Variants in AMZ2 observed in about 807,000 individuals in gnomAD.
AMZ2 encodes archaemetzincin-2.
In AMZ2, 26 loss-of-function variants were observed where a neutral mutation model predicts 36.7. That is an observed-to-expected ratio of 0.71 (90% confidence interval 0.52 to 0.98). The LOEUF is 0.98. AMZ2 is among the 50% of genes least tolerant of loss of function. The pLI is 0.00. For missense variants in AMZ2, 394 were observed against 430.5 expected, an observed-to-expected ratio of 0.92 and a Z score of 0.75; for synonymous variants, 144 against 149.1, an observed-to-expected ratio of 0.97 and a Z score of 0.25.
upstream of AMZ2, among the ~76,000 whole-genome samples, chr17:68,244,932 G>GT (rs782730654): frequency 6.6e-6 from 1 of 152,122 alleles, no homozygotes; most frequent in Non-Finnish European, 1.5e-5. Context: ...ATGTCATGGT[G>GT]TTTATCTTTT....
At position 68,213,747 on chromosome 17, in the gene AMZ2, T is replaced by C. The variant is rs542800315; in HGVS notation, c.-67+7509T>C. ...GTATTTATCTTGAGCTATGATTTTATTGAACGTTGGACTTCCTATTTTGGT... is the reference window on the plus strand; with the variant it reads ...GTATTTATCTTGAGCTATGATTTTACTGAACGTTGGACTTCCTATTTTGGT... On this transcript the variant is annotated intron_variant, in intron 1 of 7. Transcript: ENST00000674770. Among the ~76,000 whole-genome samples the C allele has an allele frequency of 3.9e-5, 6 of 152,232 alleles. No individual in the cohort carries two copies. In the South Asian group the frequency reaches 1.2e-3, roughly 32 times the overall value.
At chr17:68,209,623 TATATATATA>T (rs2072968059) in intron 1 of AMZ2, among the ~76,000 whole-genome samples, 3 of 109,952 alleles carry the variant, frequency 2.7e-5, no homozygotes, top group African/African-American at 7.7e-5. Flanking sequence ...TATATATATA[TATATATATA>T]TTTTTTTTTT....
intron 1 of AMZ2, among the ~76,000 whole-genome samples, chr17:68,209,393 T>C (rs1467441323): frequency 1.3e-5 from 2 of 151,400 alleles, no homozygotes; most frequent in African/African-American, 2.4e-5. Context: ...GGGGTTTCAC[T>C]ATGTTGGCCA....
chr17:68,246,553 G>C (rs193030382), upstream of AMZ2: 1 of 152,172 alleles, frequency 6.6e-6, no homozygotes, highest in Non-Finnish European at 1.5e-5. Flanking sequence ...ATGGAAGAAA[G>C]CCCACGACTT....
At chr17:68,214,649 C>G (rs1555726831) in intron 1 of AMZ2, among the ~76,000 whole-genome samples, 5 of 152,134 alleles carry the variant, frequency 3.3e-5, no homozygotes, top group African/African-American at 9.7e-5. Context: ...GGATTGTGTT[C>G]TCAACTTCAC....
rs2074136865 is a variant in AMZ2, at chr17:68,248,123, C to T, written c.-583C>T. On this transcript the variant is annotated 5_prime_UTR_variant, in exon 1 of 7. Coordinates refer to ENST00000359904, the MANE Select transcript of AMZ2 (RefSeq NM_016627.5). Reference sequence around the variant, plus strand: ...CGAGGCCTGTCGGGTCAGGGCGGTTCGCGGGTGCTGTCAGAGCTGGGCCGG... The same window carrying T: ...CGAGGCCTGTCGGGTCAGGGCGGTTTGCGGGTGCTGTCAGAGCTGGGCCGG... The T allele has an allele frequency of 4.1e-6, 4 of 986,480 alleles. No homozygotes were observed. The highest frequency in any genetic ancestry group is 4.8e-6 in the Non-Finnish European group (4 of 830,714). The allele number at this position is 986,480 out of a possible 1,614,324, so 61.1% of individuals were successfully genotyped here.
chr17:68,241,635 C>CT (rs1373265572), intron 1 of AMZ2, among the ~76,000 whole-genome samples: 3 of 152,128 alleles, frequency 2.0e-5, no homozygotes, highest in African/African-American at 7.2e-5. Context: ...GGGACTATTA[C>CT]TTTTCATTAC....
intron 1 of AMZ2, among the ~76,000 whole-genome samples, chr17:68,241,225 A>C (rs1211264144): frequency 3.9e-5 from 6 of 152,240 alleles, no homozygotes; most frequent in African/African-American, 1.4e-4. Context: ...AATGAGGCAC[A>C]TGCATATTAT....
intron 1 of AMZ2, among the ~76,000 whole-genome samples, chr17:68,230,813 G>A (rs1206988671): frequency 6.6e-6 from 1 of 152,150 alleles, no homozygotes; most frequent in African/African-American, 2.4e-5. Flanking sequence ...TTTGGGCTAC[G>A]TTTGATAAAT....
intron 4 of AMZ2, among the ~76,000 whole-genome samples, chr17:68,254,187 A>C (rs2074716516): frequency 6.6e-6 from 1 of 152,226 alleles, no homozygotes. Context: ...TAAGTTTTAC[A>C]AGGCAAGGCA....
chr17:68,223,066 T>G (rs2073410008), intron 1 of AMZ2, among the ~76,000 whole-genome samples: 1 of 150,966 alleles, frequency 6.6e-6, no homozygotes. Flanking sequence ...AAGGAGGAAA[T>G]TGAGGAAGAG....
At chr17:68,206,326 C>T in intron 1 of AMZ2, 2 of 1,188,684 alleles carry the variant, frequency 1.7e-6, no homozygotes, top group Non-Finnish European at 2.1e-6. Flanking sequence ...CATCCTGCTC[C>T]GATCTCCCCC....
chr17:68,219,285 G>A lies in AMZ2; in HGVS notation c.-67+13047G>A, dbSNP rs762298360. ...CAGCTGCATCAGCCTTTTTCTAACC[G>A]GCCTTCCCTTCCAGCTTCCTCCACT... On this transcript the variant is annotated intron_variant, in intron 1 of 7. Transcript: ENST00000674770. Among the ~76,000 whole-genome samples the A allele has an allele frequency of 2.6e-5, 4 of 151,992 alleles. No homozygotes were observed. In the East Asian group the frequency reaches 5.8e-4, roughly 22 times the overall value.
chr17:68,208,510 C>G (rs1401230973), intron 1 of AMZ2, among the ~76,000 whole-genome samples: 1 of 152,120 alleles, frequency 6.6e-6, no homozygotes, highest in Non-Finnish European at 1.5e-5. Flanking sequence ...AGCGCCCTGT[C>G]AAAAGAGACC....
chr17:68,223,227 T>C (rs539853155), intron 1 of AMZ2, among the ~76,000 whole-genome samples: 44 of 152,234 alleles, frequency 2.9e-4, no homozygotes, highest in African/African-American at 8.4e-4. Flanking sequence ...CATGCCCTCA[T>C]TGGGGAAAGG....
intron 4 of AMZ2, among the ~76,000 whole-genome samples, chr17:68,252,206 C>T (rs1555740229): frequency 6.6e-6 from 1 of 152,162 alleles, no homozygotes; most frequent in East Asian, 1.9e-4. Flanking sequence ...TATGGTCTGT[C>T]TGGATGTTAC....
intron 1 of AMZ2, among the ~76,000 whole-genome samples, chr17:68,242,543 C>T (rs1278941136): frequency 6.6e-6 from 1 of 152,054 alleles, no homozygotes; most frequent in East Asian, 1.9e-4. Flanking sequence ...TCCCGAGTAG[C>T]TGGGATTACA....
intron 5 of AMZ2, 106 bp downstream of exon 5, chr17:68,254,673 CA>C: frequency 9.2e-7 from 1 of 1,083,040 alleles, no homozygotes; most frequent in East Asian, 2.6e-5. Context: ...GAGTTTGTAT[CA>C]TTTGTATAAT....
chr17:68,208,480 G>A (rs1265113876), intron 1 of AMZ2, among the ~76,000 whole-genome samples: 1 of 152,124 alleles, frequency 6.6e-6, no homozygotes, highest in Non-Finnish European at 1.5e-5. Flanking sequence ...TTTAGCTCAG[G>A]GATTGTAAAG....
Sources: gnomAD v4.1 joint callset for allele counts (sites outside exome capture counted in the v4.1 genomes callset) on GRCh38, gnomAD v4.1.1 for gene constraint, MANE v1.5 for transcripts, NCBI Gene and HGNC (gene_info 2026-07-23, HGNC 2026-07-21) for gene names.